The following SMAP1 variants were observed in gnomAD, a reference collection of about 807,000 sequenced individuals.
SMAP1 encodes stromal membrane-associated protein 1.
Under a neutral mutation model 58.5 loss-of-function variants are expected in SMAP1, and 24 were observed. The observed-to-expected ratio is 0.41, with a 90% CI of 0.30 to 0.58. SMAP1 has a LOEUF of 0.58. SMAP1 is among the 20% of genes least tolerant of loss of function. SMAP1 has a pLI of 0.29. For missense variants in SMAP1, 563 were observed against 566.3 expected (o/e 0.99, Z 0.06); for synonymous variants, 216 against 196.6 (o/e 1.10, Z -0.82).
intron 3 of SMAP1, among the ~76,000 whole-genome samples, chr6:70,760,547 T>A (rs1340445585): frequency 6.6e-6 from 1 of 152,090 alleles, no homozygotes; most frequent in Non-Finnish European, 1.5e-5. Context: ...CTTTTAATTA[T>A]GAAACACTGT....
chr6:70,788,381 C>T (rs1385062206), intron 4 of SMAP1, among the ~76,000 whole-genome samples: 1 of 151,470 alleles, frequency 6.6e-6, no homozygotes, highest in African/African-American at 2.4e-5. Flanking sequence ...AGCACACCAA[C>T]ATGGCACATG....
At chr6:70,749,733 C>G (rs936668993) in intron 2 of SMAP1, among the ~76,000 whole-genome samples, 1 of 152,082 alleles carries the variant, frequency 6.6e-6, no homozygotes, top group African/African-American at 2.4e-5. Flanking sequence ...GGCTGTTGTT[C>G]AGGTACTTCT....
chr6:70,844,566 C>T (rs1045095321), intron 7 of SMAP1, among the ~76,000 whole-genome samples: 1 of 152,126 alleles, frequency 6.6e-6, no homozygotes, highest in African/African-American at 2.4e-5. Context: ...TCTTTTAAGA[C>T]CATGTTAGTC....
At chr6:70,671,634 C>T (rs537690029) in intron 1 of SMAP1, among the ~76,000 whole-genome samples, 4 of 152,328 alleles carry the variant, frequency 2.6e-5, no homozygotes, top group African/African-American at 9.6e-5. Context: ...TGAGCGGTTT[C>T]TTCCCACTAT....
At chr6:70,771,132 G>T (rs547308742) in intron 3 of SMAP1, among the ~76,000 whole-genome samples, 2 of 152,140 alleles carry the variant, frequency 1.3e-5, no homozygotes, top group Non-Finnish European at 2.9e-5. Context: ...AGGAGTACCC[G>T]GCCGTGTGAA....
At chr6:70,818,924 G>A (rs1769761937) in intron 6 of SMAP1, among the ~76,000 whole-genome samples, 1 of 151,982 alleles carries the variant, frequency 6.6e-6, no homozygotes, top group Admixed American at 6.5e-5. Context: ...ATAGTTCAGT[G>A]GCTTCTCTTA....
intron 2 of SMAP1, among the ~76,000 whole-genome samples, chr6:70,735,437 T>C (rs1407596352): frequency 6.6e-6 from 1 of 152,250 alleles, no homozygotes. Flanking sequence ...CAATGTGATA[T>C]AATGTTCCAT....
intron 6 of SMAP1, among the ~76,000 whole-genome samples, chr6:70,833,773 T>C (rs1366861600): frequency 1.3e-5 from 2 of 152,208 alleles, no homozygotes; most frequent in African/African-American, 4.8e-5. Context: ...CTATTTTCTA[T>C]TCTGTATCAT....
Position 70,727,138 on chromosome 6 carries a change from C to T in SMAP1, c.119-5240C>T, listed in dbSNP as rs9455212. Among the ~76,000 whole-genome samples the T allele has an allele frequency of 6.7e-3, 1,022 of 152,042 alleles. 7 individuals are homozygous for T. Among genetic ancestry groups the T allele is most frequent in the African/African-American group, 0.024 (979 of 41,454 alleles). The stretch of plus-strand genomic sequence containing the variant: ...TTGTTTTTTTTTAAAGACAGCGTCT[C>T]CCTCTGTCACCCAGGCTGGAGTGAA... On this transcript the variant is annotated intron_variant, in intron 1 of 10. Transcript: ENST00000370455.
chr6:70,688,007 T>G lies in SMAP1; in HGVS notation c.118+19866T>G, dbSNP rs555194314. Among the ~76,000 whole-genome samples the G allele has an allele frequency of 5.3e-5, 8 of 152,290 alleles. No individual in the cohort carries two copies. The East Asian group carries it at 1.3e-3, about 26-fold the overall frequency. The stretch of plus-strand genomic sequence containing the variant: ...ACCCATAGCATCCATGAATCTGTTT[T>G]TCACTTCCAAAATTTTGCCATTTCA... On this transcript the variant is annotated intron_variant, in intron 1 of 10. Coordinates refer to ENST00000370455, the MANE Select transcript of SMAP1 (RefSeq NM_001044305.3).
At chr6:70,771,090 G>T (rs1239807417) in intron 3 of SMAP1, among the ~76,000 whole-genome samples, 2 of 152,308 alleles carry the variant, frequency 1.3e-5, no homozygotes, top group Non-Finnish European at 2.9e-5. Flanking sequence ...GAATGCTGCT[G>T]CCTGATCGTT....
intron 1 of SMAP1, chr6:70,668,808 G>A: frequency 3.6e-6 from 5 of 1,397,994 alleles, no homozygotes; most frequent in Non-Finnish European, 4.8e-6. Context: ...CCAGAATGAA[G>A]AGGAATTTCA....
intron 2 of SMAP1, chr6:70,734,965 A>G (rs1765566204): frequency 6.5e-6 from 1 of 153,494 alleles, no homozygotes; most frequent in African/African-American, 2.4e-5. Context: ...TATGAATAAA[A>G]TATCAGACCC....
intron 4 of SMAP1, among the ~76,000 whole-genome samples, chr6:70,785,810 A>G (rs1466765767): frequency 4.6e-5 from 7 of 152,352 alleles, no homozygotes; most frequent in African/African-American, 7.2e-5. Flanking sequence ...GCAATAATCA[A>G]TAGTTTACCA....
chr6:70,724,342 G>A (rs945142142), intron 1 of SMAP1, among the ~76,000 whole-genome samples: 3 of 151,882 alleles, frequency 2.0e-5, no homozygotes, highest in South Asian at 2.1e-4. Flanking sequence ...GACTACAGAC[G>A]CCTGCCACAT....
At chr6:70,697,217 T>C (rs1023452468) in intron 1 of SMAP1, among the ~76,000 whole-genome samples, 3 of 152,232 alleles carry the variant, frequency 2.0e-5, no homozygotes, top group Non-Finnish European at 4.4e-5. Flanking sequence ...GTTTAATTCA[T>C]TTATATTCAA....
chr6:70,800,906 C>G (rs1231767058), intron 6 of SMAP1, among the ~76,000 whole-genome samples: 1 of 152,146 alleles, frequency 6.6e-6, no homozygotes, highest in Non-Finnish European at 1.5e-5. Context: ...TTTTCTTAAT[C>G]CAGTCTATCA....
intron 1 of SMAP1, among the ~76,000 whole-genome samples, chr6:70,679,020 G>GTTTT (rs531088508): frequency 1.5e-5 from 2 of 137,180 alleles, no homozygotes; most frequent in African/African-American, 2.7e-5. Context: ...TAGATTTTTT[G>GTTTT]TTTTTTTTTT....
intron 4 of SMAP1, among the ~76,000 whole-genome samples, chr6:70,791,226 CTT>C (rs1768337575): frequency 1.3e-5 from 2 of 152,152 alleles, no homozygotes; most frequent in Admixed American, 6.5e-5. Flanking sequence ...TTTTAATTAA[CTT>C]TTGCTATTTC....
Sources: allele counts gnomAD v4.1 joint callset (sites outside exome capture counted in the v4.1 genomes callset), GRCh38; gene constraint gnomAD v4.1.1; transcripts MANE v1.5; gene names NCBI Gene and HGNC (gene_info 2026-07-23, HGNC 2026-07-21).